The following EXD3 variants were observed in gnomAD, a reference collection of about 807,000 sequenced individuals.
The protein encoded by EXD3 is exonuclease mut-7 homolog.
Under a neutral mutation model 98.0 loss-of-function variants are expected in EXD3, and 92 were observed. That is an observed-to-expected ratio of 0.94 (90% CI 0.79 to 1.12). The LOEUF is 1.12. Ranked by LOEUF, EXD3 falls within the 50% of genes most tolerant of loss-of-function variation. The pLI is 0.00. For synonymous variants in EXD3, 569 were observed against 526.0 expected (o/e 1.08, Z -1.12); for missense variants, 1,222 against 1,191.6 (o/e 1.03, Z -0.38).
chr9:137,398,902 GACAC>G (rs1837353853), intron 1 of EXD3, among the ~76,000 whole-genome samples: 1 of 149,914 alleles, frequency 6.7e-6, no homozygotes, highest in African/African-American at 2.5e-5. Flanking sequence ...GCGTCCCCAA[GACAC>G]ACAGGCAACC....
intron 3 of EXD3, among the ~76,000 whole-genome samples, chr9:137,376,206 T>G (rs913394625): frequency 1.3e-5 from 2 of 151,706 alleles, no homozygotes; most frequent in African/African-American, 4.8e-5. Context: ...TAGCCGGGCA[T>G]GGTGGCGGGC....
intron 14 of EXD3, 151 bp downstream of exon 14, chr9:137,350,887 G>T: frequency 1.5e-6 from 1 of 645,368 alleles, no homozygotes; most frequent in South Asian, 1.9e-5. Flanking sequence ...GCTCTGCCAG[G>T]CTCTGCTCTG....
intron 7 of EXD3, among the ~76,000 whole-genome samples, chr9:137,357,061 T>A (rs1222421128): frequency 3.3e-5 from 5 of 152,208 alleles, no homozygotes; most frequent in Non-Finnish European, 5.9e-5. Flanking sequence ...TGAGATAACG[T>A]TCCCTTAGCA....
At position 137,398,668 on chromosome 9, in the gene EXD3, C is replaced by T. The variant is rs1223478370; in HGVS notation, c.-47-3264G>A. Among the ~76,000 whole-genome samples the T allele has an allele frequency of 7.4e-5, 11 of 148,016 alleles. 1 individual carries two copies. The highest frequency in any genetic ancestry group is 2.0e-4 in the African/African-American group (8 of 39,894). ...CGTCCCCAAGACACACAGGCGACCG[C>T]GTCCCCAAGACACACAGGCACCCAC... On this transcript the variant is annotated intron_variant, in intron 1 of 21. Transcript: ENST00000340951.
chr9:137,349,365 A>G lies in EXD3; in HGVS notation c.1657+4T>C, dbSNP rs926009484. 6.3e-7 allele frequency: 1 copy of G among 1,581,100 alleles called. No homozygotes were observed. Among genetic ancestry groups the G allele is most frequent in the Admixed American group, 1.7e-5 (1 of 57,632 alleles). ...GGGTCACTCCCACCCGCCGCACCGC[A>G]CACCTGCGTAGATGACCTGCTCCTC... On this transcript the variant is annotated splice_donor_region_variant and intron_variant, in intron 15 of 21. Coordinates refer to ENST00000340951, the MANE Select transcript of EXD3 (RefSeq NM_017820.5). This position sits in a 1 kb window ranked among gnomAD's most constrained non-coding sequence, Gnocchi z 7.4.
At chr9:137,374,915 G>A (rs1276128751) in intron 3 of EXD3, 1 of 945,954 alleles carries the variant, frequency 1.1e-6, no homozygotes, top group Non-Finnish European at 1.3e-6. Flanking sequence ...TCTAGCTCTA[G>A]TGAGTTCTAA....
At chr9:137,413,078 A>G (rs1236818521) in intron 1 of EXD3, among the ~76,000 whole-genome samples, 4 of 152,100 alleles carry the variant, frequency 2.6e-5, no homozygotes, top group African/African-American at 9.7e-5. Flanking sequence ...CACCACACCC[A>G]GCCTCAGTAA....
chr9:137,333,598 C>G (rs1402185550), intron 17 of EXD3, among the ~76,000 whole-genome samples: 1 of 152,104 alleles, frequency 6.6e-6, no homozygotes, highest in African/African-American at 2.4e-5. Context: ...CACTGTCCCC[C>G]TTGGTCCTGT....
At chr9:137,319,154 C>T (rs1460933149) in intron 19 of EXD3, among the ~76,000 whole-genome samples, 3 of 152,272 alleles carry the variant, frequency 2.0e-5, no homozygotes, top group Admixed American at 2.0e-4. Context: ...TGGGCAGCTC[C>T]AGGGCGGAGG....
chr9:137,393,348 G>A lies in EXD3; in HGVS notation c.55+1955C>T. The A allele has an allele frequency of 3.0e-6, 2 of 669,916 alleles. No individual in the cohort carries two copies. Among genetic ancestry groups the A allele is most frequent in the South Asian group, 1.6e-5 (1 of 63,948 alleles). The allele number at this position is 669,916 out of a possible 1,614,324, so 41.5% of individuals were successfully genotyped here. ...CAGGGCCTCATCCCACACAGGTGCA[G>A]GCCCGGGGCCCGCAGATGGCCTCAG... On this transcript the variant is annotated intron_variant, in intron 2 of 21. Transcript: ENST00000340951. This position sits in a 1 kb window ranked among gnomAD's most constrained non-coding sequence, Gnocchi z 4.6.
chr9:137,409,791 G>A (rs146970474), intron 1 of EXD3, among the ~76,000 whole-genome samples: 41 of 152,338 alleles, frequency 2.7e-4, no homozygotes, highest in African/African-American at 9.6e-4. Context: ...GGAACGTGGT[G>A]CCAGGTCCCA....
chr9:137,354,593 T>C (rs1331312381), intron 9 of EXD3, 107 bp downstream of exon 9: 1 of 1,558,584 alleles, frequency 6.4e-7, no homozygotes, highest in South Asian at 1.2e-5. Flanking sequence ...AAGCAGCTCC[T>C]ACTTGATATG....
intron 17 of EXD3, among the ~76,000 whole-genome samples, chr9:137,345,476 A>C (rs1833869704): frequency 6.6e-6 from 1 of 152,152 alleles, no homozygotes; most frequent in Admixed American, 6.5e-5. Context: ...AGCCTGACCA[A>C]CATGGAGAAA....
At chr9:137,326,520 T>C (rs1256225932) in intron 17 of EXD3, among the ~76,000 whole-genome samples, 3 of 152,078 alleles carry the variant, frequency 2.0e-5, no homozygotes, top group Non-Finnish European at 4.4e-5. Flanking sequence ...AGTGAGACCT[T>C]ATCTCAAAAA....
chr9:137,416,685 G>A (rs931292054), intron 1 of EXD3, among the ~76,000 whole-genome samples: 1 of 152,224 alleles, frequency 6.6e-6, no homozygotes, highest in Non-Finnish European at 1.5e-5. Context: ...GGATGGGGAC[G>A]GGACACATCC....
chr9:137,316,146 C>T (rs867701388), intron 19 of EXD3, among the ~76,000 whole-genome samples: 28 of 151,160 alleles, frequency 1.9e-4, no homozygotes, highest in Middle Eastern at 3.5e-3. Flanking sequence ...GGAGGGGCGG[C>T]GGCCGTGAGA....
At chr9:137,382,853 G>A (rs949221620) in intron 3 of EXD3, among the ~76,000 whole-genome samples, 1 of 152,166 alleles carries the variant, frequency 6.6e-6, no homozygotes, top group Non-Finnish European at 1.5e-5. Flanking sequence ...ACAGGGGGCC[G>A]GCCCTCCCTC....
chr9:137,421,346 A>T (rs1245273145), intron 1 of EXD3, among the ~76,000 whole-genome samples: 1 of 152,254 alleles, frequency 6.6e-6, no homozygotes. Flanking sequence ...ATCAGGCCAA[A>T]TATAATCCTA....
chr9:137,409,206 G>A (rs1837878436), intron 1 of EXD3, among the ~76,000 whole-genome samples: 1 of 152,140 alleles, frequency 6.6e-6, no homozygotes, highest in Non-Finnish European at 1.5e-5. Flanking sequence ...AGAGGCCTGA[G>A]GCCTGAGCCC....
Sources: allele counts gnomAD v4.1 joint callset (sites outside exome capture counted in the v4.1 genomes callset), GRCh38; gene constraint gnomAD v4.1.1; non-coding constraint Gnocchi (gnomAD v3.1); transcripts MANE v1.5; gene names NCBI Gene and HGNC (gene_info 2026-07-23, HGNC 2026-07-21).